The following SNX29 variants were observed in gnomAD, a reference collection of about 807,000 sequenced individuals.
SNX29 encodes sorting nexin 29, also known as sorting nexin-29.
In SNX29, 78 loss-of-function variants were observed where a neutral mutation model predicts 102.1. The observed-to-expected ratio is 0.76, with a 90% CI of 0.64 to 0.92. The LOEUF (loss-of-function observed/expected upper bound fraction) is 0.92, where lower values mean the gene tolerates loss of function less well. Ranked by LOEUF, SNX29 falls within the 40% of genes least tolerant of loss-of-function variation. The pLI is 0.00. For synonymous variants in SNX29, 580 were observed against 414.5 expected, an observed-to-expected ratio of 1.40 and a Z score of -4.85; for missense variants, 1,280 against 1,061.7, an observed-to-expected ratio of 1.21 and a Z score of -2.86.
intron 20 of SNX29, among the ~76,000 whole-genome samples, chr16:12,558,920 T>A (rs1250990297): frequency 6.6e-6 from 1 of 152,226 alleles, no homozygotes. Context: ...TTGTCTTGTT[T>A]AATCTCATAG....
intron 14 of SNX29, among the ~76,000 whole-genome samples, chr16:12,249,042 T>G (rs1231591572): frequency 6.8e-6 from 1 of 147,994 alleles, no homozygotes; most frequent in Non-Finnish European, 1.5e-5. Flanking sequence ...TTAAATACTT[T>G]TGCTTAACAA....
chr16:12,188,794 T>G (rs2076575066), intron 13 of SNX29, among the ~76,000 whole-genome samples: 2 of 152,186 alleles, frequency 1.3e-5, no homozygotes, highest in Non-Finnish European at 2.9e-5. Context: ...GCCACACAGC[T>G]TAATCCAGAG....
chr16:12,080,238 G>T (rs964969825), intron 11 of SNX29, among the ~76,000 whole-genome samples: 15 of 152,238 alleles, frequency 9.9e-5, no homozygotes, highest in Non-Finnish European at 1.8e-4. Flanking sequence ...ATTAGTTTTT[G>T]TTGCTAAGGA....
chr16:12,407,804 G>A (rs2084227787), intron 18 of SNX29, among the ~76,000 whole-genome samples: 1 of 152,216 alleles, frequency 6.6e-6, no homozygotes, highest in African/African-American at 2.4e-5. Context: ...AAGGAGGGCT[G>A]AATCAAGCTC....
chr16:12,500,314 T>A (rs763905339), intron 19 of SNX29, among the ~76,000 whole-genome samples: 4 of 151,822 alleles, frequency 2.6e-5, no homozygotes, highest in Non-Finnish European at 4.4e-5. Context: ...TTGTGAAAGG[T>A]CCTTAGATAA....
At chr16:12,319,595 C>T (rs966495600) in intron 15 of SNX29, among the ~76,000 whole-genome samples, 1 of 152,182 alleles carries the variant, frequency 6.6e-6, no homozygotes, top group Non-Finnish European at 1.5e-5. Flanking sequence ...GACTGTTGAT[C>T]TGTGATGTTG....
chr16:12,206,242 G>GA (rs2077041075), intron 14 of SNX29, among the ~76,000 whole-genome samples: 1 of 152,158 alleles, frequency 6.6e-6, no homozygotes, highest in Non-Finnish European at 1.5e-5. Flanking sequence ...AGAAGTCCAG[G>GA]AGTATCTGCC....
chr16:12,548,691 C>T (rs1055181931), intron 20 of SNX29, among the ~76,000 whole-genome samples: 1 of 152,220 alleles, frequency 6.6e-6, no homozygotes, highest in African/African-American at 2.4e-5. Flanking sequence ...GCCCAGAGCA[C>T]TGCAGGGCAT....
chr16:12,019,951 C>G (rs2056970753), intron 3 of SNX29, among the ~76,000 whole-genome samples: 2 of 151,988 alleles, frequency 1.3e-5, no homozygotes, highest in Non-Finnish European at 2.9e-5. Context: ...TTGTATTTTT[C>G]AAGCATAACT....
At chr16:12,000,133 T>C (rs2056234055) in intron 2 of SNX29, among the ~76,000 whole-genome samples, 1 of 152,044 alleles carries the variant, frequency 6.6e-6, no homozygotes, top group African/African-American at 2.4e-5. Flanking sequence ...TGTGATGCTG[T>C]TTGTGATGCT....
At chr16:12,183,364 T>TC (rs1024928270) in intron 13 of SNX29, among the ~76,000 whole-genome samples, 37 of 152,290 alleles carry the variant, frequency 2.4e-4, no homozygotes, top group African/African-American at 6.5e-4. Flanking sequence ...TGCTGAAAAG[T>TC]CCTAGTACTA....
chr16:12,328,620 A>C (rs776171268), intron 15 of SNX29, among the ~76,000 whole-genome samples: 1 of 152,130 alleles, frequency 6.6e-6, no homozygotes, highest in Non-Finnish European at 1.5e-5. Flanking sequence ...GGTCAGCTCC[A>C]CTGTCTTACC....
Position 12,572,612 on chromosome 16 carries a change from G to C in SNX29, c.*3983G>C, listed in dbSNP as rs1480933627. On this transcript the variant is annotated 3_prime_UTR_variant, in exon 21 of 21. Transcript: ENST00000566228. The stretch of plus-strand genomic sequence containing the variant: ...CTCCCAGTGAGCCCCCTCCCCTCCG[G>C]CTACCCCCAGAATCCATCCTTCATT... 2.1e-5 allele frequency: 22 copies of C among 1,063,536 alleles called. No individual in the cohort carries two copies. Among genetic ancestry groups the C allele is most frequent in the Non-Finnish European group, 2.5e-5 (22 of 878,128 alleles). The allele number at this position is 1,063,536 out of a possible 1,614,324, so 65.9% of individuals were successfully genotyped here. A position where few individuals can be genotyped will look rare whatever the true frequency, so the allele number is the denominator to read the frequency against.
At position 12,163,124 on chromosome 16, in the gene SNX29, C is replaced by T. The variant is rs144971372; in HGVS notation, c.1595+33366C>T. Among the ~76,000 whole-genome samples, 12 of 152,260 alleles carry T rather than the reference C, an allele frequency of 7.9e-5. No individual in the cohort carries two copies. In the East Asian group the frequency reaches 1.9e-3, roughly 25 times the overall value. ...CTCGAACTCCTGACCTCAGGTGATA[C>T]GCCCACCTTGGCCTCCCAAAGTCCT... is the stretch of plus-strand genomic sequence containing the variant. On this transcript the variant is annotated intron_variant, in intron 13 of 20. Transcript: ENST00000566228.
At chr16:12,275,509 G>T (rs1346578530) in intron 14 of SNX29, among the ~76,000 whole-genome samples, 2 of 152,194 alleles carry the variant, frequency 1.3e-5, no homozygotes, top group Non-Finnish European at 2.9e-5. Context: ...GTCATTTCCA[G>T]AGGTGTCTTG....
At chr16:12,205,482 A>C (rs1357001260) in intron 14 of SNX29, among the ~76,000 whole-genome samples, 1 of 151,844 alleles carries the variant, frequency 6.6e-6, no homozygotes, top group Non-Finnish European at 1.5e-5. Context: ...CTCATCTCCC[A>C]CCACCCTCCC....
rs1000093571 is a variant in SNX29 at position 12,573,238 on chromosome 16, G to C, written c.*4609G>C. On this transcript the variant is annotated 3_prime_UTR_variant, in exon 21 of 21. Coordinates refer to ENST00000566228, the MANE Select transcript of SNX29 (RefSeq NM_032167.5). ...TCCCGCAGTTCATCCCATGGTTGTT[G>C]AAATGTACCTCGATCAGTCATCTCT... 4.4e-6 allele frequency: 1 copy of C among 227,020 alleles called. No homozygotes were observed. Among genetic ancestry groups the C allele is most frequent in the African/African-American group, 2.2e-5 (1 of 45,006 alleles). 14.1% of individuals were successfully genotyped at this position (227,020 alleles called of 1,614,324 possible).
Position 12,514,577 on chromosome 16 carries a change from T to G in SNX29, c.2179-10125T>G, listed in dbSNP as rs563321183. On this transcript the variant is annotated intron_variant, in intron 19 of 20. Coordinates refer to ENST00000566228, the MANE Select transcript of SNX29 (RefSeq NM_032167.5). ...TGAAATGGGAACATGAAAAAGCCCC[T>G]CTCTTGGCCAGACATGGTGGCTCAT... 4.9e-4 allele frequency among the ~76,000 whole-genome samples: 74 copies of G among 152,228 alleles called. 1 individual carries two copies. The highest frequency in any genetic ancestry group is 1.6e-3 in the African/African-American group (65 of 41,548).
chr16:11,981,939 T>A (rs2055426192), intron 1 of SNX29, among the ~76,000 whole-genome samples: 1 of 152,034 alleles, frequency 6.6e-6, no homozygotes, highest in Non-Finnish European at 1.5e-5. Flanking sequence ...GCGTGATTGC[T>A]CACGCCTGTA....
Sources: allele counts gnomAD v4.1 joint callset (sites outside exome capture counted in the v4.1 genomes callset), GRCh38; gene constraint gnomAD v4.1.1; transcripts MANE v1.5; gene names NCBI Gene and HGNC (gene_info 2026-07-23, HGNC 2026-07-21).